BICC1: variants seen among roughly 807,000 people sequenced by gnomAD.
The protein encoded by BICC1 is BicC family RNA binding protein 1.
A neutral mutation model predicts 111.0 loss-of-function variants in BICC1; 43 were observed. The observed-to-expected ratio is 0.39, with a 90% CI of 0.30 to 0.50. BICC1 has a LOEUF of 0.50. Among genes scored for constraint, BICC1 ranks in the 20% least tolerant of loss-of-function variants. BICC1 has a pLI of 0.88. For synonymous variants in BICC1, 467 were observed against 434.4 expected (o/e 1.07, Z -0.93); for missense variants, 1,091 against 1,203.2 (o/e 0.91, Z 1.38).
intron 1 of BICC1, among the ~76,000 whole-genome samples, chr10:58,588,518 T>G (rs891524187): frequency 1.3e-5 from 2 of 152,184 alleles, no homozygotes; most frequent in African/African-American, 2.4e-5. Flanking sequence ...CTACCTTGAA[T>G]TCCAGCTTAG....
intron 1 of BICC1, among the ~76,000 whole-genome samples, chr10:58,535,995 A>T (rs544732598): frequency 1.2e-4 from 18 of 151,856 alleles, no homozygotes; most frequent in Admixed American, 3.9e-4. Context: ...TCATTATACA[A>T]TGATAAAAGG....
intron 3 of BICC1, among the ~76,000 whole-genome samples, chr10:58,768,321 G>GA (rs1334253021): frequency 6.6e-6 from 1 of 152,178 alleles, no homozygotes; most frequent in South Asian, 2.1e-4. Context: ...GTGCTGAAAG[G>GA]AAAAAACTGT....
chr10:58,703,558 C>T (rs1239968827), intron 3 of BICC1, among the ~76,000 whole-genome samples: 1 of 152,108 alleles, frequency 6.6e-6, no homozygotes, highest in East Asian at 1.9e-4. Flanking sequence ...AAGTGCAATT[C>T]TGTATCTTTG....
At chr10:58,516,262 T>C (rs1381703465) in intron 1 of BICC1, among the ~76,000 whole-genome samples, 1 of 152,224 alleles carries the variant, frequency 6.6e-6, no homozygotes, top group Non-Finnish European at 1.5e-5. Context: ...TGGAATTTGT[T>C]TCCAGAGAGA....
At chr10:58,756,748 A>C (rs1475822360) in intron 3 of BICC1, among the ~76,000 whole-genome samples, 1 of 151,676 alleles carries the variant, frequency 6.6e-6, no homozygotes, top group African/African-American at 2.4e-5. Context: ...ATATCGAACA[A>C]AGGCATGTTT....
rs374215314 is a variant in BICC1 at position 58,697,809 on chromosome 10, C to A, written c.238-4265C>A. Reference sequence around the variant, plus strand: ...CCTGGACCAACCTCCACCCACACCCCCTGCAGGAGATGTGCTTGTCAGCCC... The same window carrying A: ...CCTGGACCAACCTCCACCCACACCCACTGCAGGAGATGTGCTTGTCAGCCC... On this transcript the variant is annotated intron_variant, in intron 2 of 20. Coordinates refer to ENST00000373886, the MANE Select transcript of BICC1 (RefSeq NM_001080512.3). 1.2e-3 allele frequency among the ~76,000 whole-genome samples: 183 copies of A among 152,186 alleles called. 1 individual carries two copies. The highest frequency in any genetic ancestry group is 4.2e-3 in the African/African-American group (173 of 41,522).
intron 1 of BICC1, among the ~76,000 whole-genome samples, chr10:58,564,593 T>A (rs1843701166): frequency 6.6e-6 from 1 of 152,198 alleles, no homozygotes; most frequent in Non-Finnish European, 1.5e-5. Flanking sequence ...AGACAACTAT[T>A]ACCTGTTCAA....
intron 3 of BICC1, among the ~76,000 whole-genome samples, chr10:58,780,740 G>A (rs1842861580): frequency 6.6e-6 from 1 of 152,004 alleles, no homozygotes; most frequent in South Asian, 2.1e-4. Context: ...AGTACCAAGA[G>A]ATAATCTTTT....
chr10:58,539,667 T>TG (rs1842911376), intron 1 of BICC1, among the ~76,000 whole-genome samples: 1 of 151,790 alleles, frequency 6.6e-6, no homozygotes, highest in Non-Finnish European at 1.5e-5. Flanking sequence ...TGGACAAAAT[T>TG]GAAGGGAGAA....
intron 3 of BICC1, among the ~76,000 whole-genome samples, chr10:58,760,299 A>G (rs1286706422): frequency 6.6e-6 from 1 of 152,094 alleles, no homozygotes; most frequent in Admixed American, 6.5e-5. Context: ...GTTTTCCACT[A>G]TTTGCAGCTC....
intron 2 of BICC1, among the ~76,000 whole-genome samples, chr10:58,700,184 C>G (rs1239180380): frequency 6.6e-6 from 1 of 152,038 alleles, no homozygotes; most frequent in Non-Finnish European, 1.5e-5. Flanking sequence ...GAAATAAACA[C>G]AGTGAGGTGG....
At chr10:58,620,552 T>G (rs915035413) in intron 1 of BICC1, among the ~76,000 whole-genome samples, 9 of 152,346 alleles carry the variant, frequency 5.9e-5, no homozygotes, top group Non-Finnish European at 8.8e-5. Flanking sequence ...GAGTTGCATT[T>G]ATTCATATAG....
chr10:58,677,919 A>C (rs1396214661), intron 2 of BICC1, among the ~76,000 whole-genome samples: 1 of 152,218 alleles, frequency 6.6e-6, no homozygotes, highest in Non-Finnish European at 1.5e-5. Flanking sequence ...TTTTCAACCC[A>C]GAATTTCGTA....
chr10:58,825,726 G>C (rs187284299), intron 20 of BICC1, among the ~76,000 whole-genome samples: 1 of 152,278 alleles, frequency 6.6e-6, no homozygotes, highest in African/African-American at 2.4e-5. Context: ...TTCCACCTGA[G>C]CAATTAATCT....
Position 58,800,807 on chromosome 10 carries a change from T to C in BICC1, c.1859-83T>C, listed in dbSNP as rs117520818. On this transcript the variant is annotated intron_variant, in intron 13 of 20. Transcript: ENST00000373886. Reference sequence around the variant, plus strand: ...ATCATGTCTCCATAGAGTAGGGTTCTGATTTGTTTCCATTGCAGATAATTG... The same window carrying C: ...ATCATGTCTCCATAGAGTAGGGTTCCGATTTGTTTCCATTGCAGATAATTG... The C allele has an allele frequency of 1.0e-4, 140 of 1,360,592 alleles. 3 individuals carry two copies. In the South Asian group the frequency reaches 2.1e-3, roughly 20 times the overall value. 84.3% of individuals were successfully genotyped at this position (1,360,592 alleles called of 1,614,324 possible).
At chr10:58,636,015 G>A (rs1297976523) in intron 2 of BICC1, among the ~76,000 whole-genome samples, 3 of 152,088 alleles carry the variant, frequency 2.0e-5, no homozygotes, top group Admixed American at 6.6e-5. Context: ...TTGTTCTCTT[G>A]TTATGAGTTG....
At chr10:58,760,529 C>G (rs964385105) in intron 3 of BICC1, among the ~76,000 whole-genome samples, 5 of 152,098 alleles carry the variant, frequency 3.3e-5, no homozygotes, top group African/African-American at 7.2e-5. Context: ...TTTTTGTAAT[C>G]TACTGTAAGC....
At chr10:58,805,199 A>G (rs1843671616) in intron 15 of BICC1, among the ~76,000 whole-genome samples, 1 of 152,146 alleles carries the variant, frequency 6.6e-6, no homozygotes, top group Non-Finnish European at 1.5e-5. Flanking sequence ...AGGCCGAGAT[A>G]GAAGAATCAC....
intron 1 of BICC1, among the ~76,000 whole-genome samples, chr10:58,607,341 T>TAAATAAATAAATAAATAAATAAAA (rs879657768): frequency 6.6e-6 from 1 of 151,710 alleles, no homozygotes; most frequent in East Asian, 1.9e-4. Flanking sequence ...AATAAATAAA[T>TAAATAAATAAATAAATAAATAAAA]AAAACTGTCA....
Sources: allele counts gnomAD v4.1 joint callset (sites outside exome capture counted in the v4.1 genomes callset), GRCh38; gene constraint gnomAD v4.1.1; transcripts MANE v1.5; gene names NCBI Gene and HGNC (gene_info 2026-07-23, HGNC 2026-07-21).